The following POU6F2 variants were observed in gnomAD, a reference collection of about 807,000 sequenced individuals.
The protein encoded by POU6F2 is POU class 6 homeobox 2, also known as POU domain, class 6, transcription factor 2.
In POU6F2, 31 loss-of-function variants were observed where a neutral mutation model predicts 71.3. The ratio of observed to expected loss-of-function variants is 0.43; its 90% confidence interval spans 0.33 to 0.59. The LOEUF (loss-of-function observed/expected upper bound fraction) is 0.59. Ranked by LOEUF, POU6F2 falls within the 20% of genes least tolerant of loss-of-function variation. The pLI, the probability that POU6F2 is intolerant of heterozygous loss-of-function variation, is 0.04. For synonymous variants in POU6F2, 347 were observed against 355.7 expected (o/e 0.98, Z 0.27); for missense variants, 783 against 856.8 (o/e 0.91, Z 1.07).
Position 39,248,101 on chromosome 7 carries a change from G to GA in POU6F2, c.598+40491dup, listed in dbSNP as rs555163509. 5.7e-3 allele frequency among the ~76,000 whole-genome samples: 841 copies of GA among 147,252 alleles called. 3 individuals are homozygous for GA. Among genetic ancestry groups the GA allele is most frequent in the African/African-American group, 0.019 (773 of 40,218 alleles). On this transcript the variant is annotated intron_variant, in intron 4 of 9. Coordinates refer to ENST00000518318, the MANE Select transcript of POU6F2 (RefSeq NM_001370959.1). The stretch of plus-strand genomic sequence containing the variant: ...TCCCAGTAACTGTTCTCTTTTCCAG[G>GA]AAAAAAAAAAGAAAGAAAGCACAGT...
intron 2 of POU6F2, among the ~76,000 whole-genome samples, chr7:39,103,612 G>A (rs977672202): frequency 9.2e-5 from 14 of 152,192 alleles, no homozygotes; most frequent in Admixed American, 8.5e-4. Flanking sequence ...TCTCTTCAGA[G>A]AAAACTAGAT....
intron 2 of POU6F2, among the ~76,000 whole-genome samples, chr7:39,194,000 A>G (rs922780028): frequency 6.6e-6 from 1 of 152,272 alleles, no homozygotes; most frequent in African/African-American, 2.4e-5. Flanking sequence ...ATGTGTATAT[A>G]TGAAGGAAAT....
intron 3 of POU6F2, among the ~76,000 whole-genome samples, chr7:39,206,348 C>T (rs565897254): frequency 2.0e-5 from 3 of 152,206 alleles, no homozygotes; most frequent in South Asian, 4.2e-4. Flanking sequence ...ACATGCCGAG[C>T]AGTTGCCTTT....
intron 7 of POU6F2, among the ~76,000 whole-genome samples, chr7:39,433,957 A>G (rs1044671632): frequency 3.9e-5 from 6 of 152,194 alleles, no homozygotes; most frequent in African/African-American, 1.2e-4. Flanking sequence ...AATAAAGGAG[A>G]GATGCTTTCT....
intron 1 of POU6F2, among the ~76,000 whole-genome samples, chr7:39,066,466 G>T (rs1177101867): frequency 6.6e-6 from 1 of 151,840 alleles, no homozygotes; most frequent in East Asian, 1.9e-4. Context: ...AGTCCTAAGA[G>T]AATCAACCGA....
chr7:39,079,180 CTTTTTTTT>C (rs1162865518), intron 1 of POU6F2, among the ~76,000 whole-genome samples: 46 of 79,330 alleles, frequency 5.8e-4, no homozygotes, highest in African/African-American at 2.1e-3. Context: ...CTCACAATAT[CTTTTTTTT>C]TTTTTTTTTT....
rs557466805 is a variant in POU6F2 at position 39,420,150 on chromosome 7, GTT to G, written c.1114-12924_1114-12923del. ...ATAACATGGACAAAACCAAAAATCT[GTT>G]TTAAATTCACATGGAATTTGAAGAT... On this transcript the variant is annotated intron_variant, in intron 6 of 9. Coordinates refer to ENST00000518318, the MANE Select transcript of POU6F2 (RefSeq NM_001370959.1). 3.6e-3 allele frequency among the ~76,000 whole-genome samples: 546 copies of G among 152,206 alleles called. 4 individuals are homozygous for G. Among genetic ancestry groups the G allele is most frequent in the Admixed American group, 5.2e-3 (79 of 15,292 alleles).
intron 2 of POU6F2, among the ~76,000 whole-genome samples, chr7:39,091,695 A>G (rs535261979): frequency 1.2e-4 from 19 of 152,316 alleles, no homozygotes; most frequent in Admixed American, 2.6e-4. Context: ...TCCAGATTCA[A>G]GCTCCCAAGG....
At chr7:39,029,027 G>A (rs895304691) in intron 1 of POU6F2, among the ~76,000 whole-genome samples, 1 of 151,874 alleles carries the variant, frequency 6.6e-6, no homozygotes, top group Admixed American at 6.6e-5. Flanking sequence ...TCACTATGTT[G>A]CCCAGGCTGT....
At chr7:38,997,204 C>T (rs1479961437) in intron 1 of POU6F2, among the ~76,000 whole-genome samples, 1 of 152,222 alleles carries the variant, frequency 6.6e-6, no homozygotes, top group South Asian at 2.1e-4. Context: ...TTCCTTTAGA[C>T]ATGGCTTGGA....
intron 7 of POU6F2, among the ~76,000 whole-genome samples, chr7:39,443,157 C>G (rs1788443714): frequency 6.6e-6 from 1 of 152,198 alleles, no homozygotes; most frequent in Non-Finnish European, 1.5e-5. Flanking sequence ...GGTCAGTCCT[C>G]TGCTAGTCTA....
chr7:39,306,464 T>G (rs576055400), intron 4 of POU6F2, among the ~76,000 whole-genome samples: 1 of 152,232 alleles, frequency 6.6e-6, no homozygotes, highest in East Asian at 1.9e-4. Context: ...CAGGGTCAGA[T>G]TTAAACATAG....
intron 2 of POU6F2, among the ~76,000 whole-genome samples, chr7:39,155,453 G>A (rs1417457705): frequency 6.6e-6 from 1 of 152,132 alleles, no homozygotes; most frequent in Non-Finnish European, 1.5e-5. Context: ...TGGGAAAAGA[G>A]GGAGGAGCAT....
intron 2 of POU6F2, among the ~76,000 whole-genome samples, chr7:39,097,675 A>T (rs1226215078): frequency 6.6e-6 from 1 of 152,206 alleles, no homozygotes; most frequent in Non-Finnish European, 1.5e-5. Context: ...TTTGTTGAGC[A>T]CCTGCTCTGT....
chr7:39,319,917 T>C (rs1206905222), intron 4 of POU6F2, among the ~76,000 whole-genome samples: 1 of 152,256 alleles, frequency 6.6e-6, no homozygotes, highest in East Asian at 1.9e-4. Context: ...CATGAAGAGA[T>C]GTCTACCTAA....
chr7:39,254,661 C>T (rs1055928748), intron 4 of POU6F2, among the ~76,000 whole-genome samples: 1 of 152,158 alleles, frequency 6.6e-6, no homozygotes, highest in African/African-American at 2.4e-5. Context: ...ATATTTTTGG[C>T]TTCCATACCA....
intron 1 of POU6F2, among the ~76,000 whole-genome samples, chr7:39,050,242 G>C (rs79886972): frequency 6.6e-6 from 1 of 151,846 alleles, no homozygotes; most frequent in Non-Finnish European, 1.5e-5. Flanking sequence ...TAGGAGTCCT[G>C]TTTCTGCATA....
At chr7:39,082,486 A>G (rs1881132) in intron 1 of POU6F2, among the ~76,000 whole-genome samples, 2 of 152,088 alleles carry the variant, frequency 1.3e-5, no homozygotes, top group Middle Eastern at 3.4e-3. Context: ...ACCGCTGCAG[A>G]GATCCTTGTA....
chr7:39,090,084 G>C (rs1791334178), intron 2 of POU6F2, among the ~76,000 whole-genome samples: 1 of 151,848 alleles, frequency 6.6e-6, no homozygotes, highest in South Asian at 2.1e-4. Flanking sequence ...TTTCTCTTCT[G>C]ATATTGTGCT....
Sources: gnomAD v4.1 joint callset for allele counts (sites outside exome capture counted in the v4.1 genomes callset) on GRCh38, gnomAD v4.1.1 for gene constraint, MANE v1.5 for transcripts, NCBI Gene and HGNC (gene_info 2026-07-23, HGNC 2026-07-21) for gene names.